The following GOLGA6D variants were observed in gnomAD, a reference collection of about 807,000 sequenced individuals.
GOLGA6D encodes golgin A6 family member D, also known as golgin subfamily A member 6D.
GOLGA6D carries 9 observed loss-of-function variants against 42.1 expected under a neutral mutation model. The ratio of observed to expected loss-of-function variants is 0.21; its 90% CI spans 0.13 to 0.37. The LOEUF is 0.37. Ranked by LOEUF, GOLGA6D falls within the 10% of genes least tolerant of loss-of-function variation. The pLI, the probability that GOLGA6D is intolerant of heterozygous loss-of-function variation, is 1.00. For missense variants in GOLGA6D, 87 were observed against 420.8 expected, an observed-to-expected ratio of 0.21 and a Z score of 6.94; for synonymous variants, 39 against 167.3, an observed-to-expected ratio of 0.23 and a Z score of 5.92.
intron 7 of GOLGA6D, 143 bp downstream of exon 7, chr15:75,288,507 G>A: frequency 1.1e-6 from 1 of 901,130 alleles, no homozygotes; most frequent in Middle Eastern, 2.9e-4. Context: ...ATGGTTGTTA[G>A]AGGCAGCCTG....
At chr15:75,276,355 G>A in the GOLGA6D span, among the ~76,000 whole-genome samples, 20,695 of 127,038 alleles carry the variant, frequency 0.16, 28 homozygotes, top group East Asian at 0.32. Flanking sequence ...ATGTGGTGCA[G>A]GTCCCATTGT....
upstream of GOLGA6D, among the ~76,000 whole-genome samples, chr15:75,278,747 T>C (rs1444709380): frequency 6.0e-3 from 910 of 150,416 alleles, no homozygotes; most frequent in Non-Finnish European, 0.011. Flanking sequence ...AGTTGAGAGA[T>C]TCCCTGGTCC....
intron 7 of GOLGA6D, 66 bp from the exon 8 acceptor site, chr15:75,289,331 C>T (rs1307220384): frequency 6.9e-7 from 1 of 1,455,778 alleles, no homozygotes; most frequent in East Asian, 2.3e-5. Context: ...TGAGCCTAGC[C>T]CTAGCCCTTT....
In GOLGA6D at chr15:75,288,344, C is replaced by G; in HGVS notation, c.544C>G (p.Gln182Glu). ...GCGGGCTCTCTGTGCTGTGTCTACA[C>G]AGCAGCAGGAAGAGGACAGGGTGAG... ...LERALCAVST[Q>E]QQEEDRSSSC... The change falls in exon 7 of 18, where the codon CAG becomes GAG. Residue 182 changes from glutamine (Q) to glutamate (E), a missense_variant. Transcript: ENST00000434739. 6.4e-7 allele frequency: 1 copy of G among 1,566,568 alleles called. No homozygotes were observed. The highest frequency in any genetic ancestry group is 1.1e-5 in the South Asian group (1 of 89,066).
rs1427698212 is a variant in GOLGA6D at position 75,289,450 on chromosome 15, G to A, written c.618G>A (p.Lys206=). 4.7e-6 allele frequency: 7 copies of A among 1,499,192 alleles called. 1 individual carries two copies. In the East Asian group the frequency reaches 1.4e-4, roughly 30 times the overall value. The allele number at this position is 1,499,192 out of a possible 1,614,324, so 92.9% of individuals were successfully genotyped here. ...VLQRRLQQTI[K]ERALLNAHVT... ...AGCGGCGGTTACAGCAGACCATAAA[G>A]GAGCGGGCGCTGCTGAACGCACACG... The change falls in exon 8 of 18, where the codon AAG becomes AAA. Residue 206 remains lysine (K), a synonymous_variant. Coordinates refer to ENST00000434739, the MANE Select transcript of GOLGA6D (RefSeq NM_001145224.3).
chr15:75,288,520 G>A (rs879257351), intron 7 of GOLGA6D, among the ~76,000 whole-genome samples, 156 bp downstream of exon 7: 3 of 140,572 alleles, frequency 2.1e-5, no homozygotes, highest in African/African-American at 8.5e-5. Flanking sequence ...GCAGCCTGGG[G>A]CTAAGTCAGC....
upstream of GOLGA6D, among the ~76,000 whole-genome samples, chr15:75,278,732 T>C (rs1203584602): frequency 4.0e-5 from 6 of 151,820 alleles, no homozygotes; most frequent in Non-Finnish European, 8.8e-5. Context: ...CAGGATACTC[T>C]AGAAAGTTGA....
At position 75,294,422 on chromosome 15, in the gene GOLGA6D, A is replaced by C; in HGVS notation, c.2029A>C (p.Asn677His). 5.0e-6 allele frequency: 8 copies of C among 1,598,096 alleles called. 2 individuals carry two copies. The South Asian group carries it at 5.5e-5, about 11-fold the overall frequency. The change falls in exon 18 of 18, where the codon AAC (asparagine) becomes CAC (histidine). Residue 677 changes from asparagine (N) to histidine (H), a missense_variant. Transcript: ENST00000434739. ...GVAREGSPHN[N>H]PTVQQIVQLS... ...GGCCAGGGAGGGTTCTCCCCATAAC[A>C]ACCCCACTGTACAGCAGATCGTGCA...
intron 7 of GOLGA6D, 98 bp from the exon 8 acceptor site, chr15:75,289,299 C>T (rs2070869947): frequency 9.3e-7 from 1 of 1,074,640 alleles, no homozygotes; most frequent in Non-Finnish European, 1.4e-6. Flanking sequence ...ATGCCTTGAC[C>T]TTTACTGACC....
Position 75,294,443 on chromosome 15 carries a change from G to A in GOLGA6D, c.2050G>A (p.Val684Met), listed in dbSNP as rs202060131. The change falls in exon 18 of 18, where the codon GTG (valine) becomes ATG (methionine). Residue 684 changes from valine to methionine, a missense_variant. Transcript: ENST00000434739. ...PHNNPTVQQI[V>M]QLSPVMQDT ...TAACAACCCCACTGTACAGCAGATCGTGCAGCTGTCTCCTGTCATGCAGGA... is the reference window on the plus strand; with the variant it reads ...TAACAACCCCACTGTACAGCAGATCATGCAGCTGTCTCCTGTCATGCAGGA... 699 of 1,597,288 alleles carry A rather than the reference G, an allele frequency of 4.4e-4. 72 individuals carry two copies. The African/African-American group carries it at 6.6e-3, about 15-fold the overall frequency.
At chr15:75,276,197 G>A in the GOLGA6D span, among the ~76,000 whole-genome samples, 2 of 151,754 alleles carry the variant, frequency 1.3e-5, no homozygotes, top group African/African-American at 4.9e-5. Flanking sequence ...AGACTCAAGT[G>A]TCTGTATGGA....
chr15:75,289,420 C>T lies in GOLGA6D; in HGVS notation c.588C>T (p.Val196=), dbSNP rs765966805. 176 of 1,534,428 alleles carry T rather than the reference C, an allele frequency of 1.1e-4. 17 individuals are homozygous for T. Among genetic ancestry groups the T allele is most frequent in the Non-Finnish European group, 1.5e-4 (167 of 1,133,598 alleles). ...AGTCCTCGAGCTGCAGAGAAGCGGT[C>T]CTCCAGCGGCGGTTACAGCAGACCA... ...EDRSSSCREA[V]LQRRLQQTIK... is the part of the protein sequence containing the mutation. The change falls in exon 8 of 18, where the codon GTC becomes GTT. Residue 196 remains valine (V), a synonymous_variant. Transcript: ENST00000434739.
intron 7 of GOLGA6D, among the ~76,000 whole-genome samples, chr15:75,288,813 CAG>C (rs1285121390): frequency 7.0e-6 from 1 of 142,234 alleles, no homozygotes; most frequent in East Asian, 2.0e-4. Context: ...GAGAGAGTAA[CAG>C]GGTGCCTGGA....
chr15:75,293,482 C>T lies in GOLGA6D; in HGVS notation c.1594-247C>T, dbSNP rs777884495. ...GGAGCAGGCACGGCTATGTGGGCAG[C>T]GGAAGGTGTGAAGGCTGTGCTGCCT... On this transcript the variant is annotated intron_variant, in intron 14 of 17. Transcript: ENST00000434739. Among the ~76,000 whole-genome samples, 43 of 144,800 alleles carry T rather than the reference C, an allele frequency of 3.0e-4. 2 individuals are homozygous for T. Among genetic ancestry groups the T allele is most frequent in the East Asian group, 6.2e-4 (3 of 4,856 alleles). 95.0% of individuals were successfully genotyped at this position (144,800 alleles called of 152,430 possible). A position where few individuals can be genotyped will look rare whatever the true frequency, so the allele number is the denominator to read the frequency against.
chr15:75,277,876 A>C (rs2070831554), upstream of GOLGA6D, among the ~76,000 whole-genome samples: 3 of 150,262 alleles, frequency 2.0e-5, no homozygotes, highest in Non-Finnish European at 4.4e-5. Flanking sequence ...AAAAAGGTCG[A>C]GACAGTGTGT....
chr15:75,294,416 C>G lies in GOLGA6D; in HGVS notation c.2023C>G (p.His675Asp). The change falls in exon 18 of 18, where the codon CAT becomes GAT. Residue 675 changes from histidine (H) to aspartate (D), a missense_variant. Coordinates refer to ENST00000434739, the MANE Select transcript of GOLGA6D (RefSeq NM_001145224.3). ...APGVAREGSP[H>D]NNPTVQQIVQ... ...AGGAGTGGCCAGGGAGGGTTCTCCC[C>G]ATAACAACCCCACTGTACAGCAGAT... 1 of 1,598,538 alleles carries G rather than the reference C, an allele frequency of 6.3e-7. No homozygotes were observed. Among genetic ancestry groups the G allele is most frequent in the Non-Finnish European group, 8.5e-7 (1 of 1,175,202 alleles).
In GOLGA6D at chr15:75,294,326, C is replaced by A. The variant is rs1336852156; in HGVS notation, c.1955-22C>A. ...GGGGAGGCTCGCACTGTGCTCAGACCCCCGCCTCCCTCTCTCCGAAGTTTT... is the reference window on the plus strand; with the variant it reads ...GGGGAGGCTCGCACTGTGCTCAGACACCCGCCTCCCTCTCTCCGAAGTTTT... On this transcript the variant is annotated intron_variant, in intron 17 of 17. Transcript: ENST00000434739. 3 of 1,578,582 alleles carry A rather than the reference C, an allele frequency of 1.9e-6. 1 individual carries two copies. Among genetic ancestry groups the A allele is most frequent in the African/African-American group, 3.2e-5 (2 of 61,952 alleles).
At chr15:75,288,906 C>T (rs971795835) in intron 7 of GOLGA6D, among the ~76,000 whole-genome samples, 4 of 137,526 alleles carry the variant, frequency 2.9e-5, no homozygotes, top group African/African-American at 8.8e-5. Context: ...AGATTAATTT[C>T]CCCCTTCCTA....
chr15:75,278,762 T>C (rs2070836795), upstream of GOLGA6D, among the ~76,000 whole-genome samples: 1 of 151,842 alleles, frequency 6.6e-6, no homozygotes, highest in South Asian at 2.1e-4. Flanking sequence ...TGGTCCAGTC[T>C]GGGGGAGGGA....
Sources: allele counts gnomAD v4.1 joint callset (sites outside exome capture counted in the v4.1 genomes callset), GRCh38; gene constraint gnomAD v4.1.1; transcripts MANE v1.5; gene names NCBI Gene and HGNC (gene_info 2026-07-23, HGNC 2026-07-21).